TMEM232: variants seen among roughly 807,000 people sequenced by gnomAD.
TMEM232 encodes the protein transmembrane protein 232.
Under a neutral mutation model 78.8 loss-of-function variants are expected in TMEM232, and 80 were observed. The observed-to-expected ratio is 1.01, with a 90% CI of 0.85 to 1.22. TMEM232 has a LOEUF of 1.22. Ranked by LOEUF, TMEM232 falls within the 50% of genes most tolerant of loss-of-function variation. The pLI, the probability that TMEM232 is intolerant of heterozygous loss-of-function variation, is 0.00. For synonymous variants in TMEM232, 297 were observed against 254.3 expected (o/e 1.17, Z -1.60); for missense variants, 881 against 742.2 (o/e 1.19, Z -2.17).
At chr5:110,469,644 G>A (rs762226750) in intron 12 of TMEM232, among the ~76,000 whole-genome samples, 6 of 152,114 alleles carry the variant, frequency 3.9e-5, no homozygotes, top group African/African-American at 4.8e-5. Context: ...CCCTGTTCCC[G>A]TGTCAGCACT....
intron 12 of TMEM232, among the ~76,000 whole-genome samples, chr5:110,526,140 T>C (rs576565445): frequency 6.6e-6 from 1 of 151,374 alleles, no homozygotes; most frequent in East Asian, 1.9e-4. Flanking sequence ...ATTCTGTCAT[T>C]TTTAATCTTA....
chr5:110,442,813 T>A (rs558397945), intron 12 of TMEM232, among the ~76,000 whole-genome samples: 2 of 152,140 alleles, frequency 1.3e-5, no homozygotes, highest in East Asian at 3.9e-4. Flanking sequence ...CCAAGCCCAA[T>A]AGCACTGTGA....
rs1775133051 is a variant in TMEM232 at position 110,556,673 on chromosome 5, G to A, written c.1455+11774C>T. 2.0e-5 allele frequency among the ~76,000 whole-genome samples: 3 copies of A among 152,076 alleles called. No homozygotes were observed. In the South Asian group the frequency reaches 6.2e-4, roughly 31 times the overall value. On this transcript the variant is annotated intron_variant, in intron 11 of 13. Coordinates refer to ENST00000455884, the MANE Select transcript of TMEM232 (RefSeq NM_001039763.4). ...CAGTGCTGGGATTACAAGCCCGACA[G>A]AATCTTGTTTCTTTTAGGATGCAGA...
At chr5:110,491,874 A>G (rs1301378718) in intron 12 of TMEM232, among the ~76,000 whole-genome samples, 1 of 151,958 alleles carries the variant, frequency 6.6e-6, no homozygotes, top group Non-Finnish European at 1.5e-5. Context: ...GAAAAAAGTA[A>G]TAGAGATTAA....
chr5:110,650,996 T>G (rs1788230612), intron 2 of TMEM232, among the ~76,000 whole-genome samples: 1 of 151,928 alleles, frequency 6.6e-6, no homozygotes, highest in Non-Finnish European at 1.5e-5. Flanking sequence ...TGTTGACAAA[T>G]AAAAAATGGG....
chr5:110,637,966 T>C (rs1331758126), intron 5 of TMEM232, among the ~76,000 whole-genome samples: 2 of 152,160 alleles, frequency 1.3e-5, no homozygotes, highest in South Asian at 2.1e-4. Context: ...GTTTTTTTAA[T>C]GAAATGTTAT....
At chr5:110,497,193 T>C (rs1765739614) in intron 12 of TMEM232, among the ~76,000 whole-genome samples, 1 of 152,078 alleles carries the variant, frequency 6.6e-6, no homozygotes, top group African/African-American at 2.4e-5. Flanking sequence ...TAAATGAGTA[T>C]TGAAAACCTA....
intron 1 of TMEM232, among the ~76,000 whole-genome samples, chr5:110,716,458 C>T (rs532150415): frequency 2.0e-5 from 3 of 152,178 alleles, no homozygotes; most frequent in African/African-American, 7.2e-5. Flanking sequence ...CATCTGGTGG[C>T]GATGGGAGAC....
At chr5:110,534,671 A>T (rs983074364) in intron 11 of TMEM232, among the ~76,000 whole-genome samples, 4 of 152,166 alleles carry the variant, frequency 2.6e-5, no homozygotes, top group African/African-American at 9.6e-5. Flanking sequence ...TCTCCAAGCC[A>T]TCACAGCTGA....
intron 10 of TMEM232, among the ~76,000 whole-genome samples, chr5:110,590,647 T>G (rs1779400312): frequency 6.6e-6 from 1 of 151,894 alleles, no homozygotes. Flanking sequence ...TGAGATAAGA[T>G]CAAAGGAAAA....
At chr5:110,516,092 A>G (rs1351635262) in intron 12 of TMEM232, among the ~76,000 whole-genome samples, 1 of 151,852 alleles carries the variant, frequency 6.6e-6, no homozygotes, top group African/African-American at 2.4e-5. Context: ...ACAAAAAATT[A>G]CCCGGGCGTG....
At chr5:110,401,865 G>A (rs762375594) in intron 2 of TMEM232, among the ~76,000 whole-genome samples, 2 of 152,024 alleles carry the variant, frequency 1.3e-5, no homozygotes, top group Non-Finnish European at 1.5e-5. Flanking sequence ...TCTGACAAGC[G>A]GTGATTGTCC....
At chr5:110,460,769 G>A (rs913627649) in intron 12 of TMEM232, among the ~76,000 whole-genome samples, 1 of 150,928 alleles carries the variant, frequency 6.6e-6, no homozygotes, top group African/African-American at 2.4e-5. Context: ...CGGTGTCTCT[G>A]TGTCACATTT....
chr5:110,699,930 G>A (rs1212002277), intron 1 of TMEM232, among the ~76,000 whole-genome samples: 1 of 151,990 alleles, frequency 6.6e-6, no homozygotes, highest in Non-Finnish European at 1.5e-5. Flanking sequence ...GATCCTGTAG[G>A]TGTCACTAAG....
At chr5:110,407,919 A>G (rs1021773605) in intron 2 of TMEM232, among the ~76,000 whole-genome samples, 1 of 152,194 alleles carries the variant, frequency 6.6e-6, no homozygotes, top group South Asian at 2.1e-4. Flanking sequence ...TGATATGGCT[A>G]TAGATGGAAT....
At chr5:110,682,229 C>A (rs1792841281) in intron 1 of TMEM232, among the ~76,000 whole-genome samples, 1 of 152,078 alleles carries the variant, frequency 6.6e-6, no homozygotes, top group Non-Finnish European at 1.5e-5. Flanking sequence ...ATTAAAATAT[C>A]CTTTTTATTT....
chr5:110,464,773 G>C (rs1441893069), intron 12 of TMEM232, among the ~76,000 whole-genome samples: 1 of 152,124 alleles, frequency 6.6e-6, no homozygotes, highest in Non-Finnish European at 1.5e-5. Context: ...AGACCTGGGA[G>C]TTAAACTCAT....
At chr5:110,720,183 T>C (rs115013291) in intron 1 of TMEM232, among the ~76,000 whole-genome samples, 7 of 152,146 alleles carry the variant, frequency 4.6e-5, no homozygotes, top group Non-Finnish European at 1.0e-4. Context: ...TTCTAGGAGC[T>C]GAGCAGAGCA....
chr5:110,387,498 G>A (rs938774994), intron 5 of TMEM232: 4 of 152,130 alleles, frequency 2.6e-5, no homozygotes, highest in African/African-American at 9.7e-5. Context: ...AGACTTCACT[G>A]TAGGCTTCTG....
Sources: allele counts gnomAD v4.1 joint callset (sites outside exome capture counted in the v4.1 genomes callset), GRCh38; gene constraint gnomAD v4.1.1; transcripts MANE v1.5; gene names NCBI Gene and HGNC (gene_info 2026-07-23, HGNC 2026-07-21).